Variants in GCNT2 observed in about 807,000 individuals in gnomAD.
The protein encoded by GCNT2 is N-acetyllactosaminide beta-1,6-N-acetylglucosaminyl-transferase.
GCNT2 carries 34 observed loss-of-function variants against 34.2 expected under a neutral mutation model. The ratio of observed to expected loss-of-function variants is 1.00; its 90% CI spans 0.76 to 1.32. GCNT2 has a LOEUF of 1.32. Ranked by LOEUF, GCNT2 falls within the 40% of genes most tolerant of loss-of-function variation. The pLI is 0.00. For synonymous variants in GCNT2, 212 were observed against 188.0 expected, an observed-to-expected ratio of 1.13 and a Z score of -1.04; for missense variants, 584 against 489.4, an observed-to-expected ratio of 1.19 and a Z score of -1.82.
chr6:10,583,030 T>G (rs1167554056), intron 3 of GCNT2, among the ~76,000 whole-genome samples: 1 of 152,148 alleles, frequency 6.6e-6, no homozygotes, highest in African/African-American at 2.4e-5. Context: ...ACAGACTGGC[T>G]TCAGCACCTG....
chr6:10,598,103 T>C (rs1227388749), intron 3 of GCNT2, among the ~76,000 whole-genome samples: 2 of 152,010 alleles, frequency 1.3e-5, no homozygotes, highest in Admixed American at 6.6e-5. Flanking sequence ...TTGGGCTAGG[T>C]CATCTCCGAA....
At chr6:10,586,073 C>T (rs1237257848) in intron 3 of GCNT2, 1 of 1,614,118 alleles carries the variant, frequency 6.2e-7, no homozygotes, top group South Asian at 1.1e-5. Flanking sequence ...GCCAATTGAG[C>T]CCGCCAAAAA....
At chr6:10,576,427 CAT>C (rs1260357153) in intron 3 of GCNT2, among the ~76,000 whole-genome samples, 7 of 152,144 alleles carry the variant, frequency 4.6e-5, no homozygotes, top group Non-Finnish European at 7.3e-5. Context: ...ACATGGCAAA[CAT>C]ATTTGCCTCA....
At chr6:10,524,276 G>A (rs1218742759) in intron 1 of GCNT2, among the ~76,000 whole-genome samples, 1 of 147,492 alleles carries the variant, frequency 6.8e-6, no homozygotes, top group Non-Finnish European at 1.5e-5. Context: ...TTTAGACGGA[G>A]TTTCGCTCTT....
chr6:10,537,075 CTTCTCAGGGAAACAGT>C (rs1226761088), intron 3 of GCNT2, among the ~76,000 whole-genome samples: 8 of 152,218 alleles, frequency 5.3e-5, no homozygotes, highest in Admixed American at 1.3e-4. Flanking sequence ...CCTGTGAGTT[CTTCTCAGGGAAACAGT>C]TTCTTAGGAA....
chr6:10,616,035 G>A (rs191288598), intron 3 of GCNT2, among the ~76,000 whole-genome samples: 7 of 152,298 alleles, frequency 4.6e-5, no homozygotes, highest in Admixed American at 2.6e-4. Flanking sequence ...ATGAAGCTGC[G>A]GACTCTCGCA....
At chr6:10,580,395 C>T (rs1255623541) in intron 3 of GCNT2, among the ~76,000 whole-genome samples, 1 of 152,210 alleles carries the variant, frequency 6.6e-6, no homozygotes, top group Non-Finnish European at 1.5e-5. Context: ...GCTTCCCGCA[C>T]TGTGCCTTAC....
At chr6:10,583,816 T>C (rs1353860161) in intron 3 of GCNT2, among the ~76,000 whole-genome samples, 3 of 152,184 alleles carry the variant, frequency 2.0e-5, no homozygotes, top group African/African-American at 7.2e-5. Context: ...ATATTGTAGA[T>C]AATACTGTGT....
At chr6:10,600,351 A>G (rs1385460208) in intron 3 of GCNT2, among the ~76,000 whole-genome samples, 1 of 152,226 alleles carries the variant, frequency 6.6e-6, no homozygotes, top group African/African-American at 2.4e-5. Context: ...ACCATAAAGG[A>G]GATCCGTTCT....
chr6:10,536,106 G>C (rs1209952152), intron 3 of GCNT2, among the ~76,000 whole-genome samples: 1 of 152,088 alleles, frequency 6.6e-6, no homozygotes, highest in East Asian at 1.9e-4. Context: ...TGCAAATTTG[G>C]GAGCAGAGAA....
At chr6:10,578,865 T>G (rs758042310) in intron 3 of GCNT2, among the ~76,000 whole-genome samples, 3 of 152,162 alleles carry the variant, frequency 2.0e-5, no homozygotes, top group African/African-American at 4.8e-5. Flanking sequence ...AGCACTTGTT[T>G]AAGGCAGATA....
chr6:10,529,014 C>T lies in GCNT2; in HGVS notation c.103C>T (p.Leu35=), dbSNP rs1490169504. The change falls in exon 3 of 5, where the codon CTG becomes TTG. Residue 35 remains leucine, a synonymous_variant. Transcript: ENST00000495262. ...NTELWENKRF[L]RAALSNASLL... is the part of the protein sequence containing the mutation. Reference sequence around the variant, plus strand: ...TGAGTTATGGGAGAATAAACGTTTTCTGAGGGCAGCTCTGTCCAATGCTTC... The same window carrying T: ...TGAGTTATGGGAGAATAAACGTTTTTTGAGGGCAGCTCTGTCCAATGCTTC... The T allele has an allele frequency of 5.6e-6, 9 of 1,613,912 alleles. No homozygotes were observed. The Admixed American group carries it at 1.5e-4, about 27-fold the overall frequency.
At chr6:10,565,951 C>A (rs947135743) in intron 3 of GCNT2, among the ~76,000 whole-genome samples, 1 of 152,148 alleles carries the variant, frequency 6.6e-6, no homozygotes, top group African/African-American at 2.4e-5. Flanking sequence ...TATGGATTCC[C>A]TTCCCCTACG....
chr6:10,611,252 AATT>A (rs1278624088), intron 3 of GCNT2, among the ~76,000 whole-genome samples: 1 of 93,830 alleles, frequency 1.1e-5, no homozygotes, highest in African/African-American at 3.9e-5. Context: ...CTAAGTGATC[AATT>A]GATCACTTGA....
At chr6:10,531,554 T>C (rs561404745) in intron 3 of GCNT2, among the ~76,000 whole-genome samples, 1 of 152,336 alleles carries the variant, frequency 6.6e-6, no homozygotes, top group Admixed American at 6.5e-5. Flanking sequence ...TGTAAACCAT[T>C]GCAGGTGCTT....
rs1355859159 is a variant in GCNT2, at chr6:10,530,257, G to A, written c.925+421G>A. 4.0e-5 allele frequency: 7 copies of A among 175,710 alleles called. No homozygotes were observed. In the East Asian group the frequency reaches 1.1e-3, roughly 27 times the overall value. 10.9% of individuals were successfully genotyped at this position (175,710 alleles called of 1,614,324 possible). A position where few individuals can be genotyped will look rare whatever the true frequency, so the allele number is the denominator to read the frequency against. ...GTGCATGCCTGCAATCCCAGCTACTGGAGAGGCTGAGGCAGGAGAATCGCT... is the reference window on the plus strand; with the variant it reads ...GTGCATGCCTGCAATCCCAGCTACTAGAGAGGCTGAGGCAGGAGAATCGCT... On this transcript the variant is annotated intron_variant, in intron 3 of 4. Transcript: ENST00000495262.
intron 3 of GCNT2, chr6:10,619,572 T>C (rs1006380428): frequency 2.0e-5 from 3 of 152,274 alleles, no homozygotes; most frequent in Admixed American, 1.3e-4. Context: ...CAGGCTGGTC[T>C]CGGACTCCAG....
At chr6:10,532,367 C>T (rs1761535746) in intron 3 of GCNT2, among the ~76,000 whole-genome samples, 1 of 152,214 alleles carries the variant, frequency 6.6e-6, no homozygotes, top group Admixed American at 6.5e-5. Flanking sequence ...AAAAGTTAGC[C>T]CCTGAAGTCA....
intron 3 of GCNT2, among the ~76,000 whole-genome samples, chr6:10,581,241 G>A (rs904170979): frequency 6.6e-6 from 1 of 151,964 alleles, no homozygotes; most frequent in Non-Finnish European, 1.5e-5. Flanking sequence ...TGGTTTTGGG[G>A]TTTTGTTTTA....
Sources: allele counts gnomAD v4.1 joint callset (sites outside exome capture counted in the v4.1 genomes callset), GRCh38; gene constraint gnomAD v4.1.1; transcripts MANE v1.5; gene names NCBI Gene and HGNC (gene_info 2026-07-23, HGNC 2026-07-21).